ARSG: variants seen among roughly 807,000 people sequenced by gnomAD.
ARSG encodes ASG.
ARSG carries 37 observed loss-of-function variants against 50.5 expected under a neutral mutation model. The observed-to-expected ratio is 0.73, with a 90% CI of 0.56 to 0.96. The LOEUF (loss-of-function observed/expected upper bound fraction) is 0.96, where lower values mean the gene tolerates loss of function less well. Ranked by LOEUF, ARSG falls within the 50% of genes least tolerant of loss-of-function variation. The probability of loss-of-function intolerance (pLI) is 0.00; values close to 1 mark genes in which losing one functional copy is unlikely to be tolerated. For missense variants in ARSG, 629 were observed against 675.3 expected (o/e 0.93, Z 0.76); for synonymous variants, 225 against 254.6 (o/e 0.88, Z 1.11).
At chr17:68,319,840 T>G (rs2077209492) in intron 2 of ARSG, among the ~76,000 whole-genome samples, 1 of 152,168 alleles carries the variant, frequency 6.6e-6, no homozygotes, top group South Asian at 2.1e-4. Flanking sequence ...TCCTTTTGCT[T>G]TTATAACCTG....
At chr17:68,339,572 C>A (rs2078179457) in intron 2 of ARSG, among the ~76,000 whole-genome samples, 1 of 152,120 alleles carries the variant, frequency 6.6e-6, no homozygotes, top group Non-Finnish European at 1.5e-5. Flanking sequence ...CCATTTTATC[C>A]CATGATACTG....
intron 3 of ARSG, 69 bp from the exon 4 acceptor site, chr17:68,347,056 C>T (rs1426657462): frequency 1.3e-6 from 2 of 1,581,880 alleles, no homozygotes; most frequent in African/African-American, 1.3e-5. Flanking sequence ...AGTGTGTGAT[C>T]AGCTCCTCAG....
intron 1 of ARSG, among the ~76,000 whole-genome samples, chr17:68,305,088 C>G (rs989761138): frequency 1.3e-5 from 2 of 152,104 alleles, no homozygotes; most frequent in African/African-American, 4.8e-5. Flanking sequence ...GCAGAAGGAT[C>G]GTTTGAACCC....
intron 2 of ARSG, among the ~76,000 whole-genome samples, chr17:68,319,005 G>C (rs1306445209): frequency 1.3e-5 from 2 of 152,220 alleles, no homozygotes; most frequent in Non-Finnish European, 2.9e-5. Context: ...CTGCCTTGGG[G>C]ATTTGGCAGT....
At chr17:68,375,187 G>A (rs1414058559) in intron 8 of ARSG, among the ~76,000 whole-genome samples, 1 of 152,198 alleles carries the variant, frequency 6.6e-6, no homozygotes, top group Non-Finnish European at 1.5e-5. Flanking sequence ...CATTTCTAAG[G>A]TTCTCCTAGG....
chr17:68,264,163 A>G (rs1376003487), intron 1 of ARSG, among the ~76,000 whole-genome samples: 1 of 151,954 alleles, frequency 6.6e-6, no homozygotes, highest in East Asian at 1.9e-4. Flanking sequence ...CGCCCAGCTG[A>G]AGGATCATGA....
At chr17:68,426,315 C>A, downstream of ARSG, 1 of 693,432 alleles carries the variant, frequency 1.4e-6, no homozygotes, top group Non-Finnish European at 2.5e-6. Context: ...GGTACTGTGC[C>A]TAGGACAAGT....
intron 2 of ARSG, among the ~76,000 whole-genome samples, chr17:68,339,247 G>A (rs577689126): frequency 5.3e-5 from 8 of 152,114 alleles, no homozygotes; most frequent in South Asian, 4.2e-4. Flanking sequence ...GCAGTGAGCC[G>A]AGATCGCACC....
chr17:68,275,844 G>A (rs557774278), intron 1 of ARSG, among the ~76,000 whole-genome samples: 19 of 151,874 alleles, frequency 1.3e-4, no homozygotes, highest in African/African-American at 3.9e-4. Flanking sequence ...TTAGCCAGGC[G>A]TGGTGGCAGG....
At chr17:68,376,100 TTTAA>T (rs59682313) in intron 8 of ARSG, among the ~76,000 whole-genome samples, 19 of 151,980 alleles carry the variant, frequency 1.3e-4, no homozygotes, top group African/African-American at 3.6e-4. Context: ...CCCTATATCC[TTTAA>T]TTAATTAATT....
At chr17:68,416,001 G>A (rs1406150103) in intron 11 of ARSG, among the ~76,000 whole-genome samples, 8 of 152,164 alleles carry the variant, frequency 5.3e-5, no homozygotes, top group African/African-American at 1.7e-4. Flanking sequence ...GGAGCATTTA[G>A]ACCATTTACA....
chr17:68,318,768 G>C (rs782218177), intron 2 of ARSG, among the ~76,000 whole-genome samples: 1 of 152,190 alleles, frequency 6.6e-6, no homozygotes, highest in Non-Finnish European at 1.5e-5. Context: ...GCTGCTGCTA[G>C]GAGTTACGGG....
chr17:68,333,609 C>G (rs1003348541), intron 2 of ARSG, among the ~76,000 whole-genome samples: 1 of 150,424 alleles, frequency 6.6e-6, no homozygotes, highest in African/African-American at 2.4e-5. Context: ...GCCTGGGCAA[C>G]AAGGGCAAAA....
At chr17:68,406,659 G>A (rs577000583) in intron 11 of ARSG, among the ~76,000 whole-genome samples, 1 of 152,044 alleles carries the variant, frequency 6.6e-6, no homozygotes, top group African/African-American at 2.4e-5. Context: ...TTTCATGTTT[G>A]TTGGCCATTT....
chr17:68,429,534 G>A, the ARSG span, among the ~76,000 whole-genome samples: 2 of 152,178 alleles, frequency 1.3e-5, no homozygotes, highest in African/African-American at 4.8e-5. Context: ...AATCCGTATT[G>A]AAGTCAGATA....
chr17:68,400,733 A>G (rs1223389750), intron 10 of ARSG, among the ~76,000 whole-genome samples: 2 of 152,226 alleles, frequency 1.3e-5, no homozygotes, highest in African/African-American at 2.4e-5. Flanking sequence ...GTTTGTGAAC[A>G]AGGTATCCCT....
chr17:68,447,312 C>G, the ARSG span, among the ~76,000 whole-genome samples: 1 of 152,164 alleles, frequency 6.6e-6, no homozygotes, highest in Non-Finnish European at 1.5e-5. Context: ...CAGTTCAATA[C>G]AAGAGAAATA....
intron 1 of ARSG, among the ~76,000 whole-genome samples, chr17:68,282,396 A>G (rs1381174590): frequency 1.3e-5 from 2 of 152,036 alleles, no homozygotes; most frequent in Non-Finnish European, 1.5e-5. Flanking sequence ...AGATATACCT[A>G]ATGTTAAATG....
At chr17:68,281,253 C>T (rs868965486) in intron 1 of ARSG, among the ~76,000 whole-genome samples, 1 of 152,068 alleles carries the variant, frequency 6.6e-6, no homozygotes, top group South Asian at 2.1e-4. Context: ...AGCAAAAAAA[C>T]TCCCCAACAA....
Sources: gnomAD v4.1 joint callset for allele counts (sites outside exome capture counted in the v4.1 genomes callset) on GRCh38, gnomAD v4.1.1 for gene constraint, MANE v1.5 for transcripts, NCBI Gene and HGNC (gene_info 2026-07-23, HGNC 2026-07-21) for gene names.